The following BICD1 variants were observed in gnomAD, a reference collection of about 807,000 sequenced individuals.
The protein encoded by BICD1 is protein bicaudal D homolog 1.
A neutral mutation model predicts 92.5 loss-of-function variants in BICD1; 35 were observed. That is an observed-to-expected ratio of 0.38 (90% CI 0.29 to 0.50). BICD1 has a LOEUF of 0.50. Among genes scored for constraint, BICD1 ranks in the 20% least tolerant of loss-of-function variants. The pLI is 0.93. For missense variants in BICD1, 950 were observed against 1,189.8 expected (o/e 0.80, Z 2.97); for synonymous variants, 429 against 465.1 (o/e 0.92, Z 1.00).
chr12:32,165,786 A>G (rs1239439064), intron 1 of BICD1, among the ~76,000 whole-genome samples: 1 of 152,152 alleles, frequency 6.6e-6, no homozygotes, highest in African/African-American at 2.4e-5. Context: ...CTCATTTCCA[A>G]CTCAGCGGGT....
intron 2 of BICD1, among the ~76,000 whole-genome samples, chr12:32,234,295 G>A (rs1038301893): frequency 3.9e-5 from 6 of 152,080 alleles, no homozygotes; most frequent in Admixed American, 3.9e-4. Flanking sequence ...CACTAAGACA[G>A]CTTTTTAAAA....
At chr12:32,373,597 G>A (rs989696814) in intron 9 of BICD1, among the ~76,000 whole-genome samples, 28 of 152,248 alleles carry the variant, frequency 1.8e-4, no homozygotes, top group African/African-American at 6.7e-4. Flanking sequence ...TTGGGGCCAG[G>A]TGCAGCGGCT....
chr12:32,372,841 C>A (rs143273261), intron 9 of BICD1, among the ~76,000 whole-genome samples: 1 of 152,142 alleles, frequency 6.6e-6, no homozygotes, highest in Non-Finnish European at 1.5e-5. Flanking sequence ...TGTGCCACTG[C>A]GCTCCGGCCT....
At chr12:32,113,211 G>A (rs1941762845) in intron 1 of BICD1, among the ~76,000 whole-genome samples, 2 of 152,130 alleles carry the variant, frequency 1.3e-5, no homozygotes, top group South Asian at 4.1e-4. Flanking sequence ...ACGTCTAAGA[G>A]CTATTTGGGA....
At chr12:32,286,289 A>G (rs1947563956) in intron 2 of BICD1, among the ~76,000 whole-genome samples, 1 of 151,920 alleles carries the variant, frequency 6.6e-6, no homozygotes, top group Admixed American at 6.6e-5. Context: ...GTATCTTAAC[A>G]TTTTTCTTTA....
At position 32,296,266 on chromosome 12, in the gene BICD1, T is replaced by G. The variant is rs1347596758; in HGVS notation, c.579+2120T>G. Among the ~76,000 whole-genome samples the G allele has an allele frequency of 2.7e-5, 4 of 146,642 alleles. No individual in the cohort carries two copies. In the East Asian group the frequency reaches 6.0e-4, roughly 22 times the overall value. ...AAGGGGTTTTTTTTTGTTTTTTTTT[T>G]TTTTTTTTGAGAGACGGAGTCTCGC... On this transcript the variant is annotated intron_variant, in intron 3 of 9. Coordinates refer to ENST00000652176, the MANE Select transcript of BICD1 (RefSeq NM_001714.4).
chr12:32,245,659 TTAC>T (rs138972328), intron 2 of BICD1, among the ~76,000 whole-genome samples: 3,904 of 152,256 alleles, frequency 0.026, 157 homozygotes, highest in African/African-American at 0.082. Context: ...CAATATAGTG[TTAC>T]TTTGAGAATT....
intron 2 of BICD1, among the ~76,000 whole-genome samples, chr12:32,293,582 G>C (rs1947780139): frequency 1.3e-5 from 2 of 151,422 alleles, no homozygotes; most frequent in African/African-American, 4.9e-5. Flanking sequence ...CACCTACCTT[G>C]ACCTCCCAAA....
intron 1 of BICD1, among the ~76,000 whole-genome samples, chr12:32,122,782 C>T (rs2121241150): frequency 6.6e-6 from 1 of 152,192 alleles, no homozygotes; most frequent in East Asian, 1.9e-4. Context: ...AGCTCTAGAC[C>T]AATGAGATTT....
chr12:32,244,076 TATCTGC>T (rs1946307874), intron 2 of BICD1, among the ~76,000 whole-genome samples: 1 of 152,248 alleles, frequency 6.6e-6, no homozygotes, highest in African/African-American at 2.4e-5. Flanking sequence ...ACTCATTCTT[TATCTGC>T]TATTTCAAAA....
rs577081288 is a variant in BICD1, at chr12:32,279,285, A to G, written c.427-14709A>G. Among the ~76,000 whole-genome samples the G allele has an allele frequency of 1.7e-4, 26 of 152,328 alleles. No homozygotes were observed. In the East Asian group the frequency reaches 4.2e-3, roughly 25 times the overall value. ...AGAATTTATTTTCTAGGTGATAGAA[A>G]TGTTCTAAATTGATTGCGGTGGTGG... On this transcript the variant is annotated intron_variant, in intron 2 of 9. Coordinates refer to ENST00000652176, the MANE Select transcript of BICD1 (RefSeq NM_001714.4).
intron 2 of BICD1, among the ~76,000 whole-genome samples, chr12:32,253,121 A>G (rs889612784): frequency 6.6e-6 from 1 of 152,120 alleles, no homozygotes; most frequent in Admixed American, 6.6e-5. Flanking sequence ...GGGCTCAAGC[A>G]GTCGGCCCGC....
chr12:32,126,686 G>T (rs1457035241), intron 1 of BICD1, among the ~76,000 whole-genome samples: 1 of 151,976 alleles, frequency 6.6e-6, no homozygotes, highest in African/African-American at 2.4e-5. Flanking sequence ...GAACCCGGGA[G>T]GTGAAGGTTG....
intron 1 of BICD1, among the ~76,000 whole-genome samples, chr12:32,115,291 T>C (rs1412866064): frequency 6.6e-6 from 1 of 152,202 alleles, no homozygotes; most frequent in African/African-American, 2.4e-5. Context: ...CCCACAGTTC[T>C]GTCTCTGTTG....
chr12:32,108,868 G>A, intron 1 of BICD1: 1 of 514,370 alleles, frequency 1.9e-6, no homozygotes, highest in Non-Finnish European at 3.5e-6. Context: ...TACCTGTCTG[G>A]TCTTAACAAC....
chr12:32,226,674 C>T (rs887595070), intron 2 of BICD1, among the ~76,000 whole-genome samples: 6 of 152,160 alleles, frequency 3.9e-5, no homozygotes, highest in African/African-American at 1.4e-4. Context: ...CGACCCTTCT[C>T]CCAGCCCACC....
chr12:32,246,483 T>A (rs1164046676), intron 2 of BICD1, among the ~76,000 whole-genome samples: 1 of 151,724 alleles, frequency 6.6e-6, no homozygotes, highest in Non-Finnish European at 1.5e-5. Flanking sequence ...ATAAAAATTT[T>A]AAAAATTAGC....
chr12:32,176,776 A>G (rs1944101604), intron 1 of BICD1, among the ~76,000 whole-genome samples: 1 of 152,134 alleles, frequency 6.6e-6, no homozygotes, highest in African/African-American at 2.4e-5. Context: ...AGAGCACTCC[A>G]TTGTATGAAT....
At chr12:32,203,859 C>CT (rs1212788448) in intron 1 of BICD1, among the ~76,000 whole-genome samples, 1 of 152,112 alleles carries the variant, frequency 6.6e-6, no homozygotes, top group Non-Finnish European at 1.5e-5. Context: ...TAACATGTAA[C>CT]TAACAATTAG....
Sources: gnomAD v4.1 joint callset for allele counts (sites outside exome capture counted in the v4.1 genomes callset) on GRCh38, gnomAD v4.1.1 for gene constraint, MANE v1.5 for transcripts, NCBI Gene and HGNC (gene_info 2026-07-23, HGNC 2026-07-21) for gene names.